ESRRG: variants seen among roughly 807,000 people sequenced by gnomAD.
The protein encoded by ESRRG is estrogen-related receptor gamma.
In ESRRG, 13 loss-of-function variants were observed where a neutral mutation model predicts 44.0. That is an observed-to-expected ratio of 0.30 (90% confidence interval 0.19 to 0.47). The LOEUF (loss-of-function observed/expected upper bound fraction) is 0.47, where lower values mean the gene tolerates loss of function less well. Among genes scored for constraint, ESRRG ranks in the 20% least tolerant of loss-of-function variants. The pLI is 1.00. For synonymous variants in ESRRG, 215 were observed against 214.6 expected, an observed-to-expected ratio of 1.00 and a Z score of -0.02; for missense variants, 395 against 580.6, an observed-to-expected ratio of 0.68 and a Z score of 3.29.
intron 2 of ESRRG, among the ~76,000 whole-genome samples, chr1:216,909,599 G>A (rs1049306723): frequency 6.6e-6 from 1 of 152,048 alleles, no homozygotes; most frequent in African/African-American, 2.4e-5. Flanking sequence ...TGGCCAGGCT[G>A]GTCTCAAACT....
At position 216,846,518 on chromosome 1, in the gene ESRRG, C is replaced by T. The variant is rs186895947; in HGVS notation, c.-14+93064G>A. On this transcript the variant is annotated intron_variant, in intron 2 of 7. Coordinates refer to the ESRRG transcript ENST00000359162. The stretch of plus-strand genomic sequence containing the variant: ...TAGATAAATGGCTGTGACTACGTTC[C>T]GATAAAATTTTATTCACAAAAACAG... Among the ~76,000 whole-genome samples, 783 of 152,070 alleles carry T rather than the reference C, an allele frequency of 5.1e-3. 7 individuals are homozygous for T. The highest frequency in any genetic ancestry group is 0.018 in the African/African-American group (762 of 41,476).
intron 1 of ESRRG, among the ~76,000 whole-genome samples, chr1:216,989,972 T>C (rs1290195186): frequency 8.5e-5 from 13 of 152,170 alleles, no homozygotes; most frequent in Non-Finnish European, 1.6e-4. Context: ...CTGAGCTTTT[T>C]ATAATGTGTC....
chr1:216,767,563 C>G (rs1439201191), intron 2 of ESRRG, among the ~76,000 whole-genome samples: 2 of 152,064 alleles, frequency 1.3e-5, no homozygotes, highest in African/African-American at 4.8e-5. Flanking sequence ...AATCTTTAAG[C>G]CTTTGATTGC....
chr1:216,513,756 G>A (rs1303688405), intron 6 of ESRRG, among the ~76,000 whole-genome samples: 1 of 151,838 alleles, frequency 6.6e-6, no homozygotes, highest in Admixed American at 6.6e-5. Flanking sequence ...ATTACTTAAG[G>A]CCTTCCATCT....
intron 1 of ESRRG, among the ~76,000 whole-genome samples, chr1:217,131,804 A>G (rs2102538431): frequency 6.6e-6 from 1 of 152,326 alleles, no homozygotes; most frequent in South Asian, 2.1e-4. Flanking sequence ...GTATCAAGTT[A>G]ATTGAAATTC....
At chr1:217,059,549 C>T (rs1007878657) in intron 1 of ESRRG, among the ~76,000 whole-genome samples, 2 of 152,046 alleles carry the variant, frequency 1.3e-5, no homozygotes, top group African/African-American at 4.8e-5. Flanking sequence ...GGAGAGCTAT[C>T]AAAGGCTTTT....
chr1:217,072,555 A>G (rs1395800221), intron 1 of ESRRG, among the ~76,000 whole-genome samples: 2 of 152,234 alleles, frequency 1.3e-5, no homozygotes, highest in African/African-American at 2.4e-5. Context: ...CAGCTTTACA[A>G]CAAAGGGAAC....
At chr1:216,715,831 C>T (rs2084741948) in intron 1 of ESRRG, among the ~76,000 whole-genome samples, 1 of 151,744 alleles carries the variant, frequency 6.6e-6, no homozygotes, top group African/African-American at 2.4e-5. Context: ...TTAATGAATC[C>T]TTTGTTCAAA....
At chr1:216,966,030 G>T (rs1449402656) in intron 1 of ESRRG, among the ~76,000 whole-genome samples, 2 of 152,120 alleles carry the variant, frequency 1.3e-5, no homozygotes, top group Admixed American at 6.6e-5. Context: ...TGACACTGCT[G>T]GTATGTGGGC....
chr1:216,634,602 T>C (rs2064910764), intron 3 of ESRRG, among the ~76,000 whole-genome samples: 1 of 152,162 alleles, frequency 6.6e-6, no homozygotes, highest in African/African-American at 2.4e-5. Context: ...AAATCGTTCA[T>C]AGCAAGTACT....
rs181370792 is a variant in ESRRG at position 216,539,229 on chromosome 1, C to T, written c.863-19808G>A. Among the ~76,000 whole-genome samples, 692 of 151,802 alleles carry T rather than the reference C, an allele frequency of 4.6e-3. 3 individuals are homozygous for T. The highest frequency in any genetic ancestry group is 6.8e-3 in the Middle Eastern group (2 of 292). On this transcript the variant is annotated intron_variant, in intron 5 of 6. Coordinates refer to ENST00000408911, the MANE Select transcript of ESRRG (RefSeq NM_001438.4). Reference sequence around the variant, plus strand: ...ATATATATACCAATATATACCAATCCACATCTTAGCTAATGGTTAAATATA... The same window carrying T: ...ATATATATACCAATATATACCAATCTACATCTTAGCTAATGGTTAAATATA...
At chr1:216,730,421 T>C (rs149936790) in intron 2 of ESRRG, among the ~76,000 whole-genome samples, 104 of 152,286 alleles carry the variant, frequency 6.8e-4, no homozygotes, top group African/African-American at 2.4e-3. Flanking sequence ...CAGCTAATTA[T>C]TGTCCTTTTA....
chr1:216,531,245 A>G (rs1046933090), intron 5 of ESRRG, among the ~76,000 whole-genome samples: 1 of 152,098 alleles, frequency 6.6e-6, no homozygotes, highest in African/African-American at 2.4e-5. Context: ...ATGCTTAAAG[A>G]CCTAGGCATA....
chr1:217,129,208 T>A (rs2102528669), intron 1 of ESRRG, among the ~76,000 whole-genome samples: 1 of 152,318 alleles, frequency 6.6e-6, no homozygotes, highest in Non-Finnish European at 1.5e-5. Flanking sequence ...CCAAAGAGAA[T>A]ATACAAATGG....
chr1:216,689,911 G>T (rs1458810421), intron 1 of ESRRG, among the ~76,000 whole-genome samples: 1 of 151,924 alleles, frequency 6.6e-6, no homozygotes, highest in Non-Finnish European at 1.5e-5. Flanking sequence ...CCAAATTAAA[G>T]AAAATTTTCA....
At chr1:216,508,194 G>A (rs528937576) in intron 6 of ESRRG, among the ~76,000 whole-genome samples, 1 of 152,236 alleles carries the variant, frequency 6.6e-6, no homozygotes, top group South Asian at 2.1e-4. Flanking sequence ...AACAAAAAGA[G>A]AGGGAATGTA....
chr1:217,002,748 G>A (rs1350391652), intron 1 of ESRRG, among the ~76,000 whole-genome samples: 3 of 152,260 alleles, frequency 2.0e-5, no homozygotes, highest in Middle Eastern at 3.4e-3. Context: ...GACACATGGA[G>A]AGGAACCAAT....
chr1:216,609,181 T>C (rs1278629496), intron 3 of ESRRG, among the ~76,000 whole-genome samples: 2 of 152,228 alleles, frequency 1.3e-5, no homozygotes, highest in African/African-American at 4.8e-5. Context: ...CTCTGCTACA[T>C]AGGATTTCCC....
chr1:217,077,118 T>C (rs1027901922), intron 1 of ESRRG, among the ~76,000 whole-genome samples: 1 of 152,228 alleles, frequency 6.6e-6, no homozygotes, highest in African/African-American at 2.4e-5. Flanking sequence ...CTCATTTGTA[T>C]TGTTTACAAC....
Sources: gnomAD v4.1 joint callset for allele counts (sites outside exome capture counted in the v4.1 genomes callset) on GRCh38, gnomAD v4.1.1 for gene constraint, MANE v1.5 for transcripts, NCBI Gene and HGNC (gene_info 2026-07-23, HGNC 2026-07-21) for gene names.